GALNT17: variants seen among roughly 807,000 people sequenced by gnomAD.
The protein encoded by GALNT17 is UDP-GalNAc:polypeptide N-acetylgalactosaminyltransferase-like 3.
In GALNT17, 29 loss-of-function variants were observed where a neutral mutation model predicts 63.7. That is an observed-to-expected ratio of 0.46 (90% CI 0.34 to 0.62). The LOEUF (loss-of-function observed/expected upper bound fraction) is 0.62, where lower values mean the gene tolerates loss of function less well. GALNT17 is among the 20% of genes least tolerant of loss of function. GALNT17 has a pLI of 0.01. For synonymous variants in GALNT17, 305 were observed against 318.3 expected (o/e 0.96, Z 0.45); for missense variants, 603 against 799.6 (o/e 0.75, Z 2.97).
intron 1 of GALNT17, among the ~76,000 whole-genome samples, chr7:71,213,366 G>A (rs1245799280): frequency 6.6e-6 from 1 of 152,160 alleles, no homozygotes; most frequent in Non-Finnish European, 1.5e-5. Flanking sequence ...TTGCTTCCTA[G>A]TCCCAGTGTG....
chr7:71,460,623 T>A (rs1176480348), intron 5 of GALNT17, among the ~76,000 whole-genome samples: 3 of 152,130 alleles, frequency 2.0e-5, no homozygotes, highest in African/African-American at 7.2e-5. Flanking sequence ...TAGAGTAAAG[T>A]GAAAGCAAGT....
chr7:71,591,139 C>G (rs1226736975), intron 6 of GALNT17, among the ~76,000 whole-genome samples: 1 of 152,202 alleles, frequency 6.6e-6, no homozygotes, highest in Non-Finnish European at 1.5e-5. Context: ...TCACTGCAAC[C>G]TCCACCTCAT....
At chr7:71,611,040 G>A (rs890739912) in intron 6 of GALNT17, among the ~76,000 whole-genome samples, 14 of 149,410 alleles carry the variant, frequency 9.4e-5, no homozygotes, top group Non-Finnish European at 1.5e-5. Flanking sequence ...GCTTCTGTCT[G>A]ATCTTTTGTC....
At chr7:71,616,246 T>C (rs77025093) in intron 6 of GALNT17, among the ~76,000 whole-genome samples, 2,792 of 151,946 alleles carry the variant, frequency 0.018, 31 homozygotes, top group Middle Eastern at 0.065. Context: ...CACAGTAGTG[T>C]CTGAAGCTGA....
intron 6 of GALNT17, among the ~76,000 whole-genome samples, chr7:71,589,710 T>C (rs1309986918): frequency 6.6e-6 from 1 of 152,232 alleles, no homozygotes; most frequent in Admixed American, 6.5e-5. Context: ...ATTGAACCTA[T>C]TTTACAGATG....
chr7:71,196,081 A>T (rs946237581), intron 1 of GALNT17, among the ~76,000 whole-genome samples: 7 of 151,218 alleles, frequency 4.6e-5, no homozygotes, highest in Non-Finnish European at 5.9e-5. Context: ...TCTCCTCCAG[A>T]CCTCCTCCCA....
chr7:71,473,239 A>G (rs952995731), intron 5 of GALNT17, among the ~76,000 whole-genome samples: 1 of 152,198 alleles, frequency 6.6e-6, no homozygotes, highest in Non-Finnish European at 1.5e-5. Flanking sequence ...TGTTATGTAG[A>G]TGAAGCCTCC....
chr7:71,459,818 C>T (rs775483562), intron 5 of GALNT17, among the ~76,000 whole-genome samples: 3 of 152,156 alleles, frequency 2.0e-5, no homozygotes, highest in Non-Finnish European at 1.5e-5. Flanking sequence ...ATAAAACATT[C>T]GTCATCTACT....
At chr7:71,255,971 C>T (rs1790281847) in intron 1 of GALNT17, among the ~76,000 whole-genome samples, 1 of 152,156 alleles carries the variant, frequency 6.6e-6, no homozygotes, top group Non-Finnish European at 1.5e-5. Context: ...ACCCTTCTGC[C>T]TTTTCAGAAT....
chr7:71,454,559 C>A (rs1026288627), intron 5 of GALNT17, among the ~76,000 whole-genome samples: 29 of 152,070 alleles, frequency 1.9e-4, no homozygotes, highest in Admixed American at 1.2e-3. Flanking sequence ...GGAAGTGTAG[C>A]CTCTGGTCAG....
intron 9 of GALNT17, among the ~76,000 whole-genome samples, chr7:71,681,494 G>T (rs1004204634): frequency 6.6e-6 from 1 of 152,122 alleles, no homozygotes; most frequent in Non-Finnish European, 1.5e-5. Flanking sequence ...AGGGTGGGAG[G>T]CAGGGCCCAG....
intron 6 of GALNT17, among the ~76,000 whole-genome samples, chr7:71,664,656 A>G (rs1036480676): frequency 2.6e-5 from 4 of 152,200 alleles, no homozygotes; most frequent in East Asian, 1.9e-4. Flanking sequence ...ATCATTATAT[A>G]CATCTTGTGC....
At position 71,627,923 on chromosome 7, in the gene GALNT17, C is replaced by T. The variant is rs369287890; in HGVS notation, c.1081-37488C>T. ...TTATTAGGAGTGATACGGCTGCCAACAGGGCAATAATTGGTTCTTGAAGGG... is the reference window on the plus strand; with the variant it reads ...TTATTAGGAGTGATACGGCTGCCAATAGGGCAATAATTGGTTCTTGAAGGG... On this transcript the variant is annotated intron_variant, in intron 6 of 10. Transcript: ENST00000333538. Among the ~76,000 whole-genome samples, 31 of 152,122 alleles carry T rather than the reference C, an allele frequency of 2.0e-4. No homozygotes were observed. The South Asian group carries it at 6.4e-3, about 32-fold the overall frequency.
At chr7:71,517,059 G>A (rs1389110094) in intron 5 of GALNT17, among the ~76,000 whole-genome samples, 1 of 152,118 alleles carries the variant, frequency 6.6e-6, no homozygotes, top group Non-Finnish European at 1.5e-5. Context: ...ACAGTAATGT[G>A]GGGATGTCAA....
intron 3 of GALNT17, among the ~76,000 whole-genome samples, chr7:71,389,258 C>T (rs992646852): frequency 2.0e-5 from 3 of 152,008 alleles, no homozygotes; most frequent in Non-Finnish European, 4.4e-5. Flanking sequence ...CTTAGCCTCC[C>T]GAGTAGCTGG....
chr7:71,316,673 G>A (rs1341455854), intron 1 of GALNT17, among the ~76,000 whole-genome samples: 1 of 152,144 alleles, frequency 6.6e-6, no homozygotes, highest in African/African-American at 2.4e-5. Flanking sequence ...AGGGAGGCCT[G>A]CTTACTTCAC....
In GALNT17 at chr7:71,568,973, T is replaced by C. The variant is rs571525946; in HGVS notation, c.963-2312T>C. Among the ~76,000 whole-genome samples the C allele has an allele frequency of 5.9e-5, 9 of 152,230 alleles. No individual in the cohort carries two copies. The East Asian group carries it at 1.7e-3, about 29-fold the overall frequency. ...CTCACATGATTTATCAATTGATTGA[T>C]TGATTGATTGATTTTTGAGATGGAG... is the stretch of plus-strand genomic sequence containing the variant. On this transcript the variant is annotated intron_variant, in intron 5 of 10. Transcript: ENST00000333538.
At chr7:71,244,123 C>T (rs970883717) in intron 1 of GALNT17, among the ~76,000 whole-genome samples, 1 of 152,156 alleles carries the variant, frequency 6.6e-6, no homozygotes, top group African/African-American at 2.4e-5. Flanking sequence ...CAGAACTGCT[C>T]CAGCATCCGC....
At chr7:71,698,292 A>G (rs1791576172) in intron 9 of GALNT17, among the ~76,000 whole-genome samples, 1 of 152,192 alleles carries the variant, frequency 6.6e-6, no homozygotes, top group South Asian at 2.1e-4. Context: ...ACTGTAGGAA[A>G]AAGGAAAATG....
Sources: gnomAD v4.1 joint callset for allele counts (sites outside exome capture counted in the v4.1 genomes callset) on GRCh38, gnomAD v4.1.1 for gene constraint, MANE v1.5 for transcripts, NCBI Gene and HGNC (gene_info 2026-07-23, HGNC 2026-07-21) for gene names.